PACSIN1: variants seen among roughly 807,000 people sequenced by gnomAD.
PACSIN1 encodes the protein protein kinase C and casein kinase substrate in neurons 1.
A neutral mutation model predicts 59.5 loss-of-function variants in PACSIN1; 15 were observed. That is an observed-to-expected ratio of 0.25 (90% CI 0.17 to 0.39). The LOEUF is 0.39. PACSIN1 is among the 10% of genes least tolerant of loss of function. PACSIN1 has a pLI of 1.00. For missense variants in PACSIN1, 420 were observed against 580.2 expected, an observed-to-expected ratio of 0.72 and a Z score of 2.84; for synonymous variants, 210 against 220.6, an observed-to-expected ratio of 0.95 and a Z score of 0.42.
chr6:34,509,697 T>C (rs1767169729), intron 1 of PACSIN1, among the ~76,000 whole-genome samples: 2 of 152,338 alleles, frequency 1.3e-5, no homozygotes, highest in East Asian at 1.9e-4. Flanking sequence ...TTCATGAACA[T>C]GAGATGTTTT....
chr6:34,513,064 T>C (rs1767230504), intron 1 of PACSIN1, among the ~76,000 whole-genome samples: 1 of 152,196 alleles, frequency 6.6e-6, no homozygotes, highest in African/African-American at 2.4e-5. Flanking sequence ...GGGCAGGGAC[T>C]CTGTTTTGCC....
At chr6:34,486,010 G>A (rs532179432) in intron 1 of PACSIN1, among the ~76,000 whole-genome samples, 3 of 152,148 alleles carry the variant, frequency 2.0e-5, no homozygotes, top group Admixed American at 1.3e-4. Context: ...TGGTCTAGGG[G>A]GCCCTTTTGA....
intron 3 of PACSIN1, among the ~76,000 whole-genome samples, chr6:34,528,376 G>A (rs990991313): frequency 1.3e-4 from 20 of 152,224 alleles, no homozygotes; most frequent in Non-Finnish European, 2.8e-4. Context: ...GCTGACAAGA[G>A]AGATAAGGAG....
In PACSIN1 at chr6:34,518,132, C is replaced by T. The variant is rs1179441488; in HGVS notation, c.-63-8111C>T. ...TCCAGCTGTGACCAGAGCTGCTCTGCCCGGCCAGGCCCCGGAAGAGGGCAA... is the reference window on the plus strand; with the variant it reads ...TCCAGCTGTGACCAGAGCTGCTCTGTCCGGCCAGGCCCCGGAAGAGGGCAA... On this transcript the variant is annotated intron_variant, in intron 1 of 9. Transcript: ENST00000244458. The surrounding 1 kb of genome is among the most constrained non-coding windows in gnomAD (Gnocchi z 4.4). Among the ~76,000 whole-genome samples, 1 of 152,248 alleles carries T rather than the reference C, an allele frequency of 6.6e-6. No individual in the cohort carries two copies. Among genetic ancestry groups the T allele is most frequent in the Non-Finnish European group, 1.5e-5 (1 of 68,038 alleles).
chr6:34,520,621 G>A (rs1324656571), intron 1 of PACSIN1, among the ~76,000 whole-genome samples: 1 of 152,220 alleles, frequency 6.6e-6, no homozygotes, highest in Non-Finnish European at 1.5e-5. Context: ...TGGAGATAAA[G>A]CATGTGAGGA....
chr6:34,487,982 T>C (rs1766821030), intron 1 of PACSIN1, among the ~76,000 whole-genome samples: 1 of 152,162 alleles, frequency 6.6e-6, no homozygotes, highest in Admixed American at 6.5e-5. Context: ...TTGGTCTCTT[T>C]TCCTGGGGAG....
At chr6:34,484,080 T>C (rs1028743998) in intron 1 of PACSIN1, among the ~76,000 whole-genome samples, 1 of 152,170 alleles carries the variant, frequency 6.6e-6, no homozygotes, top group Non-Finnish European at 1.5e-5. Context: ...GGAAATTTAC[T>C]TTTGGGTTCA....
rs1420716721 is a variant in PACSIN1 at position 34,515,608 on chromosome 6, C to T, written c.-63-10635C>T. Among the ~76,000 whole-genome samples the T allele has an allele frequency of 6.6e-6, 1 of 152,174 alleles. No individual in the cohort carries two copies. Among genetic ancestry groups the T allele is most frequent in the Non-Finnish European group, 1.5e-5 (1 of 68,020 alleles). ...CTGGTCAGGTCAGAGGCATCTACCT[C>T]CTGCCCCAACCTCAGGCCCTTCCCC... On this transcript the variant is annotated intron_variant, in intron 1 of 9. Coordinates refer to ENST00000244458, the MANE Select transcript of PACSIN1 (RefSeq NM_020804.5). This position sits in a 1 kb window ranked among gnomAD's most constrained non-coding sequence, Gnocchi z 4.4.
chr6:34,532,318 T>G lies in PACSIN1; in HGVS notation c.1226-103T>G. On this transcript the variant is annotated intron_variant, in intron 9 of 9. Coordinates refer to ENST00000244458, the MANE Select transcript of PACSIN1 (RefSeq NM_020804.5). This position sits in a 1 kb window ranked among gnomAD's most constrained non-coding sequence, Gnocchi z 5.2. The stretch of plus-strand genomic sequence containing the variant: ...CGGGGCCTAAGAATCTAAAACCCAG[T>G]GCAGTAATCAGGAGGTGGGTATTGG... 2 of 743,592 alleles carry G rather than the reference T, an allele frequency of 2.7e-6. No individual in the cohort carries two copies. The highest frequency in any genetic ancestry group is 2.3e-6 in the Non-Finnish European group (1 of 435,662). 46.1% of individuals were successfully genotyped at this position (743,592 alleles called of 1,614,324 possible).
chr6:34,520,674 G>T (rs2127269400), intron 1 of PACSIN1, among the ~76,000 whole-genome samples: 1 of 152,326 alleles, frequency 6.6e-6, no homozygotes, highest in East Asian at 1.9e-4. Flanking sequence ...AAATGGTTGT[G>T]TTGTTGATGC....
intron 1 of PACSIN1, among the ~76,000 whole-genome samples, chr6:34,504,464 T>C (rs1767077976): frequency 1.3e-5 from 2 of 152,040 alleles, no homozygotes; most frequent in African/African-American, 4.8e-5. Flanking sequence ...ATAATTTTTG[T>C]ATTTTTAGTA....
At chr6:34,499,873 A>T (rs1008396894) in intron 1 of PACSIN1, among the ~76,000 whole-genome samples, 1 of 152,182 alleles carries the variant, frequency 6.6e-6, no homozygotes, top group African/African-American at 2.4e-5. Flanking sequence ...CTTGGATATA[A>T]CACCAAAAGC....
intron 1 of PACSIN1, among the ~76,000 whole-genome samples, chr6:34,491,083 T>G (rs1434857562): frequency 6.6e-6 from 1 of 152,144 alleles, no homozygotes; most frequent in African/African-American, 2.4e-5. Context: ...CATCGTGGGC[T>G]GAGCATTGAA....
intron 1 of PACSIN1, among the ~76,000 whole-genome samples, chr6:34,507,885 C>CT (rs1433194940): frequency 2.0e-5 from 3 of 152,086 alleles, no homozygotes; most frequent in Non-Finnish European, 2.9e-5. Flanking sequence ...ATAGGATTTC[C>CT]TTTTTTAAGG....
At chr6:34,474,615 C>T (rs1045995107) in intron 1 of PACSIN1, among the ~76,000 whole-genome samples, 12 of 151,826 alleles carry the variant, frequency 7.9e-5, no homozygotes, top group African/African-American at 2.2e-4. Context: ...CATGGTGAAA[C>T]CCCATCTGTA....
At chr6:34,517,084 G>A (rs548634608) in intron 1 of PACSIN1, among the ~76,000 whole-genome samples, 3 of 152,258 alleles carry the variant, frequency 2.0e-5, no homozygotes, top group East Asian at 1.9e-4. Context: ...CCCCAACGCC[G>A]TTCCTCCCTC....
chr6:34,529,404 C>T lies in PACSIN1; in HGVS notation c.464C>T (p.Ala155Val), dbSNP rs780285573. 1 of 1,614,112 alleles carries T rather than the reference C, an allele frequency of 6.2e-7. No homozygotes were observed. The highest frequency in any genetic ancestry group is 2.2e-5 in the East Asian group (1 of 44,872). ...ATTCCCCCCTCCCCACAGCTGGAGG[C>T]AGCCAAGAAGGCCTACCATTTGGCT... is the stretch of plus-strand genomic sequence containing the variant. ...PWAKKMKELE[A>V]AKKAYHLACK... The change falls in exon 5 of 10, where the codon GCA (alanine) becomes GTA (valine). Residue 155 changes from alanine (A) to valine (V), a missense_variant. Ala to Val is a moderately conservative substitution (Grantham distance 64, BLOSUM62 0). Transcript: ENST00000244458. This position sits in a 1 kb window ranked among gnomAD's most constrained non-coding sequence, Gnocchi z 6.3.
At chr6:34,495,065 C>A (rs552498719) in intron 1 of PACSIN1, among the ~76,000 whole-genome samples, 1 of 152,246 alleles carries the variant, frequency 6.6e-6, no homozygotes, top group East Asian at 1.9e-4. Flanking sequence ...TCTGCCAGCT[C>A]GCTTGTCTTT....
chr6:34,507,168 G>T (rs780154335), intron 1 of PACSIN1, among the ~76,000 whole-genome samples: 4 of 152,156 alleles, frequency 2.6e-5, no homozygotes, highest in Non-Finnish European at 4.4e-5. Context: ...TCAGCAGGAA[G>T]CAAAGAGCAG....
Sources: allele counts gnomAD v4.1 joint callset (sites outside exome capture counted in the v4.1 genomes callset), GRCh38; gene constraint gnomAD v4.1.1; non-coding constraint Gnocchi (gnomAD v3.1); transcripts MANE v1.5; gene names NCBI Gene and HGNC (gene_info 2026-07-23, HGNC 2026-07-21).